Variants in SPOCK1 observed in about 807,000 individuals in gnomAD.
SPOCK1 encodes the protein SPARC (osteonectin), cwcv and kazal like domains proteoglycan 1.
Under a neutral mutation model 55.3 loss-of-function variants are expected in SPOCK1, and 23 were observed. The ratio of observed to expected loss-of-function variants is 0.42; its 90% CI spans 0.30 to 0.59. The LOEUF (loss-of-function observed/expected upper bound fraction) is 0.59. SPOCK1 is among the 20% of genes least tolerant of loss of function. The probability of loss-of-function intolerance (pLI) is 0.22; values close to 1 mark genes in which losing one functional copy is unlikely to be tolerated. For missense variants in SPOCK1, 499 were observed against 552.5 expected (o/e 0.90, Z 0.97); for synonymous variants, 226 against 221.0 (o/e 1.02, Z -0.20).
At chr5:137,251,823 T>C (rs757789599) in intron 3 of SPOCK1, among the ~76,000 whole-genome samples, 7 of 152,216 alleles carry the variant, frequency 4.6e-5, no homozygotes, top group Non-Finnish European at 8.8e-5. Flanking sequence ...GATAATACAT[T>C]ACAATTTGGT....
chr5:137,384,889 C>A (rs968106661), intron 2 of SPOCK1, among the ~76,000 whole-genome samples: 1 of 152,088 alleles, frequency 6.6e-6, no homozygotes, highest in Non-Finnish European at 1.5e-5. Flanking sequence ...TCTGCGAAGA[C>A]CCTCTTTCTA....
intron 2 of SPOCK1, among the ~76,000 whole-genome samples, chr5:137,446,026 T>TA (rs1010269619): frequency 2.0e-5 from 3 of 151,882 alleles, no homozygotes; most frequent in Admixed American, 6.6e-5. Flanking sequence ...TCCTCCCCTA[T>TA]AAAAAAAGGA....
chr5:137,233,652 G>T (rs182906807), intron 3 of SPOCK1, among the ~76,000 whole-genome samples: 28 of 146,706 alleles, frequency 1.9e-4, no homozygotes, highest in Admixed American at 1.0e-3. Flanking sequence ...TTTCTTTGGA[G>T]TAATTATACA....
At chr5:137,239,262 G>A (rs896371939) in intron 3 of SPOCK1, among the ~76,000 whole-genome samples, 4 of 152,204 alleles carry the variant, frequency 2.6e-5, no homozygotes, top group Non-Finnish European at 5.9e-5. Context: ...GCATCCACAT[G>A]CTAGGAAGGT....
At position 137,230,911 on chromosome 5, in the gene SPOCK1, T is replaced by C. The variant is rs543040666; in HGVS notation, c.232+36099A>G. ...CTTCTTACAAAACTAAGTATAACTG[T>C]ATTTGCACTATTTGTGTATGTGTGT... On this transcript the variant is annotated intron_variant, in intron 3 of 10. Transcript: ENST00000394945. 1.6e-4 allele frequency among the ~76,000 whole-genome samples: 25 copies of C among 152,368 alleles called. No individual in the cohort carries two copies. In the South Asian group the frequency reaches 2.9e-3, roughly 18 times the overall value.
Position 137,044,246 on chromosome 5 carries a change from G to A in SPOCK1, c.589+23469C>T, listed in dbSNP as rs140837265. On this transcript the variant is annotated intron_variant, in intron 6 of 10. Coordinates refer to ENST00000394945, the MANE Select transcript of SPOCK1 (RefSeq NM_004598.4). ...TCACCAGACCAATCTTAGAAGGATG[G>A]TGTGTGCAAAGGCCTTCACAGCCTT... Among the ~76,000 whole-genome samples, 861 of 152,300 alleles carry A rather than the reference G, an allele frequency of 5.7e-3. 6 individuals are homozygous for A. The highest frequency in any genetic ancestry group is 0.021 in the Middle Eastern group (6 of 292).
At chr5:136,994,016 G>A (rs1431521364) in intron 6 of SPOCK1, among the ~76,000 whole-genome samples, 1 of 152,130 alleles carries the variant, frequency 6.6e-6, no homozygotes, top group East Asian at 1.9e-4. Flanking sequence ...AAGGCTTGAT[G>A]GAGAACCGAG....
chr5:137,329,879 G>C (rs528238830), intron 2 of SPOCK1, among the ~76,000 whole-genome samples: 2 of 152,260 alleles, frequency 1.3e-5, no homozygotes, highest in African/African-American at 4.8e-5. Flanking sequence ...ATGGTAGAAG[G>C]AAATGCTATT....
At chr5:137,068,091 T>A (rs1752545116) in intron 5 of SPOCK1, among the ~76,000 whole-genome samples, 1 of 152,214 alleles carries the variant, frequency 6.6e-6, no homozygotes, top group South Asian at 2.1e-4. Context: ...ACTGTCACTA[T>A]TTCTAAAATA....
At chr5:137,033,835 T>G (rs7706861) in intron 6 of SPOCK1, among the ~76,000 whole-genome samples, 5,278 of 152,260 alleles carry the variant, frequency 0.035, 259 homozygotes, top group African/African-American at 0.1. Flanking sequence ...AACTCCTGGC[T>G]TCAAGTGATC....
chr5:137,160,578 A>ATATATAT (rs1754520023), intron 3 of SPOCK1, among the ~76,000 whole-genome samples: 8 of 47,072 alleles, frequency 1.7e-4, no homozygotes, highest in African/African-American at 5.2e-4. Flanking sequence ...ATATTATATA[A>ATATATAT]TATATATAAT....
intron 2 of SPOCK1, among the ~76,000 whole-genome samples, chr5:137,312,201 C>G (rs1757800164): frequency 6.6e-6 from 1 of 152,188 alleles, no homozygotes. Flanking sequence ...ACTCAACTCC[C>G]TTAAATCCCT....
At chr5:137,146,877 A>C (rs1754206378) in intron 3 of SPOCK1, among the ~76,000 whole-genome samples, 1 of 152,186 alleles carries the variant, frequency 6.6e-6, no homozygotes. Context: ...GCAGAGTGGC[A>C]TAAAGGTTGG....
intron 3 of SPOCK1, among the ~76,000 whole-genome samples, chr5:137,145,949 A>G (rs1365577839): frequency 1.3e-5 from 2 of 152,218 alleles, no homozygotes; most frequent in African/African-American, 2.4e-5. Context: ...AGGCTGGAGA[A>G]GAGGCTGAGC....
chr5:137,077,864 T>C (rs1180066777), intron 5 of SPOCK1, among the ~76,000 whole-genome samples: 2 of 152,182 alleles, frequency 1.3e-5, no homozygotes, highest in African/African-American at 4.8e-5. Flanking sequence ...AAGCTGTACC[T>C]TGAAAGTGGA....
At chr5:137,304,050 C>T (rs946860055) in intron 2 of SPOCK1, among the ~76,000 whole-genome samples, 9 of 131,354 alleles carry the variant, frequency 6.9e-5, no homozygotes, top group Non-Finnish European at 4.7e-5. Flanking sequence ...TGACTTTTTC[C>T]CCAAAATGCA....
intron 5 of SPOCK1, among the ~76,000 whole-genome samples, chr5:137,109,213 G>A (rs1299841739): frequency 6.6e-6 from 1 of 152,204 alleles, no homozygotes; most frequent in African/African-American, 2.4e-5. Context: ...GAGCTGGAAG[G>A]AATAATTAGA....
At chr5:137,465,696 T>C (rs1442424344) in intron 2 of SPOCK1, among the ~76,000 whole-genome samples, 1 of 152,168 alleles carries the variant, frequency 6.6e-6, no homozygotes, top group Admixed American at 6.5e-5. Flanking sequence ...TCAAAATTAA[T>C]CTATTTAGGT....
At chr5:137,282,956 C>T (rs1020395746) in intron 2 of SPOCK1, among the ~76,000 whole-genome samples, 1 of 152,206 alleles carries the variant, frequency 6.6e-6, no homozygotes, top group African/African-American at 2.4e-5. Flanking sequence ...AGACCTTTTA[C>T]ACTCTGGATA....
Sources: allele counts gnomAD v4.1 joint callset (sites outside exome capture counted in the v4.1 genomes callset), GRCh38; gene constraint gnomAD v4.1.1; transcripts MANE v1.5; gene names NCBI Gene and HGNC (gene_info 2026-07-23, HGNC 2026-07-21).